The following BCL2L13 variants were observed in gnomAD, a reference collection of about 807,000 sequenced individuals.
BCL2L13 encodes the protein BCL2 like 13.
A neutral mutation model predicts 25.8 loss-of-function variants in BCL2L13; 13 were observed. That is an observed-to-expected ratio of 0.50 (90% CI 0.33 to 0.80). The LOEUF (loss-of-function observed/expected upper bound fraction) is 0.80, where lower values mean the gene tolerates loss of function less well. BCL2L13 is among the 30% of genes least tolerant of loss of function. The probability of loss-of-function intolerance (pLI) is 0.02; values close to 1 mark genes in which losing one functional copy is unlikely to be tolerated. For synonymous variants in BCL2L13, 244 were observed against 230.3 expected (o/e 1.06, Z -0.54); for missense variants, 504 against 574.9 (o/e 0.88, Z 1.26).
chr22:17,672,112 A>G (rs2535691), intron 2 of BCL2L13, among the ~76,000 whole-genome samples: 21,262 of 152,220 alleles, frequency 0.14, 2,037 homozygotes, highest in Non-Finnish European at 0.21. Context: ...TATATGTTCA[A>G]TGGACCTTTT....
chr22:17,649,703 A>G (rs2058612215), intron 1 of BCL2L13, among the ~76,000 whole-genome samples: 1 of 150,930 alleles, frequency 6.6e-6, no homozygotes. Context: ...GGGTTTCACC[A>G]TGTTGGCCAG....
chr22:17,655,824 C>T lies in BCL2L13; in HGVS notation c.113C>T (p.Ser38Leu), dbSNP rs747751039. Reference sequence around the variant, plus strand: ...AAGCTGCAAGAGCAACATCTTTCCTCACCCCAAGGTATTATCTTTGGCTTA... The same window carrying T: ...AAGCTGCAAGAGCAACATCTTTCCTTACCCCAAGGTATTATCTTTGGCTTA... The part of the protein sequence containing the change: ...QEKLQEQHLS[S>L]PQGVQLDIAS... The change falls in exon 2 of 7, where the codon TCA becomes TTA. Residue 38 changes from serine to leucine, a missense_variant. Coordinates refer to ENST00000317582, the MANE Select transcript of BCL2L13 (RefSeq NM_015367.4). 6.2e-6 allele frequency: 10 copies of T among 1,613,134 alleles called. No individual in the cohort carries two copies. In the South Asian group the frequency reaches 8.8e-5, roughly 14 times the overall value.
intron 6 of BCL2L13, among the ~76,000 whole-genome samples, chr22:17,725,686 T>A (rs2061276018): frequency 6.6e-6 from 1 of 152,178 alleles, no homozygotes; most frequent in African/African-American, 2.4e-5. Context: ...CTGTTTTGCA[T>A]TAATTACTGC....
intron 3 of BCL2L13, chr22:17,684,574 G>A (rs1247112241): frequency 2.2e-6 from 1 of 453,762 alleles, no homozygotes; most frequent in African/African-American, 2.0e-5. Flanking sequence ...GGTGGTGGTG[G>A]TGTTTTGAGA....
chr22:17,676,103 C>T (rs1225769722), intron 2 of BCL2L13, among the ~76,000 whole-genome samples: 5 of 152,148 alleles, frequency 3.3e-5, no homozygotes, highest in African/African-American at 1.2e-4. Flanking sequence ...AGTGGGAGCA[C>T]CTGTCGATTG....
intron 3 of BCL2L13, among the ~76,000 whole-genome samples, chr22:17,686,201 C>T (rs2059933206): frequency 6.6e-6 from 1 of 151,916 alleles, no homozygotes; most frequent in African/African-American, 2.4e-5. Flanking sequence ...GTAGTCCCAG[C>T]ACTTTGGGAG....
chr22:17,664,985 A>T (rs2059192151), intron 2 of BCL2L13, among the ~76,000 whole-genome samples: 1 of 152,192 alleles, frequency 6.6e-6, no homozygotes, highest in South Asian at 2.1e-4. Flanking sequence ...CATTTTCTCC[A>T]TTGTTTTGGC....
chr22:17,692,581 A>G (rs1350606699), intron 4 of BCL2L13, among the ~76,000 whole-genome samples: 1 of 152,222 alleles, frequency 6.6e-6, no homozygotes, highest in African/African-American at 2.4e-5. Flanking sequence ...GGCTCACTTT[A>G]ATGGGAAGGT....
exon 1 of BCL2L13, chr22:17,628,993 G>A: frequency 2.8e-6 from 1 of 363,342 alleles, no homozygotes; most frequent in East Asian, 5.8e-5. Context: ...CTGTTTTGAG[G>A]AGTACTGGTT....
intron 2 of BCL2L13, among the ~76,000 whole-genome samples, chr22:17,656,451 A>G (rs1033000355): frequency 1.5e-5 from 2 of 134,224 alleles, no homozygotes; most frequent in Non-Finnish European, 3.1e-5. Context: ...TCCCGGTTCA[A>G]GCGATTCTGC....
chr22:17,720,668 ATT>A (rs752609758), intron 6 of BCL2L13, among the ~76,000 whole-genome samples: 37 of 138,194 alleles, frequency 2.7e-4, no homozygotes, highest in Admixed American at 2.2e-4. Context: ...CCCGGCCTTA[ATT>A]TTTTTTTTTT....
intron 1 of BCL2L13, among the ~76,000 whole-genome samples, chr22:17,631,170 C>A (rs1340290460): frequency 3.3e-5 from 5 of 151,176 alleles, no homozygotes; most frequent in Non-Finnish European, 7.4e-5. Context: ...AAACTCGGCT[C>A]ACTGCAACCT....
intron 1 of BCL2L13, among the ~76,000 whole-genome samples, chr22:17,649,973 C>T (rs1312644403): frequency 1.4e-5 from 2 of 140,648 alleles, no homozygotes; most frequent in Non-Finnish European, 3.1e-5. Flanking sequence ...CTGCTCTGAG[C>T]GATTCTCCTG....
chr22:17,701,839 G>A (rs934258236), intron 5 of BCL2L13, among the ~76,000 whole-genome samples: 10 of 149,646 alleles, frequency 6.7e-5, no homozygotes, highest in African/African-American at 2.2e-4. Flanking sequence ...GCAGAGAATC[G>A]CTTGAACCTG....
Position 17,694,067 on chromosome 22 carries a change from T to TTA in BCL2L13, c.387-2073_387-2072dup, listed in dbSNP as rs764008944. The stretch of plus-strand genomic sequence containing the variant: ...GCCACTGCACCCAGCCCATTCTTTC[T>TTA]TAACATGTTTGTTAATACTTTGCCC... On this transcript the variant is annotated intron_variant, in intron 4 of 6. Transcript: ENST00000317582. Among the ~76,000 whole-genome samples, 106 of 152,284 alleles carry TTA rather than the reference T, an allele frequency of 7.0e-4. 1 individual carries two copies. The highest frequency in any genetic ancestry group is 1.3e-3 in the Non-Finnish European group (86 of 68,028).
chr22:17,638,735 G>A (rs1206238915), upstream of BCL2L13: 12 of 1,231,590 alleles, frequency 9.7e-6, no homozygotes, highest in East Asian at 1.3e-4. Flanking sequence ...CGGCCGTGAC[G>A]AAGGCACGCC....
At position 17,728,058 on chromosome 22, in the gene BCL2L13, TAGCTC is replaced by T; in HGVS notation, c.*525_*529del. ...GTGGGCTCCTCAGCTACTGACTTCTTAGCTCTTAATCCCCTTAGAATTTCATCTTT... is the reference window on the plus strand; with the variant it reads ...GTGGGCTCCTCAGCTACTGACTTCTTTTAATCCCCTTAGAATTTCATCTTT... On this transcript the variant is annotated 3_prime_UTR_variant, in exon 7 of 7. Transcript: ENST00000317582. The T allele has an allele frequency of 6.2e-6, 1 of 161,624 alleles. No individual in the cohort carries two copies. Among genetic ancestry groups the T allele is most frequent in the Admixed American group, 5.7e-5 (1 of 17,592 alleles). The allele number at this position is 161,624 out of a possible 1,614,324, so 10.0% of individuals were successfully genotyped here. A position where few individuals can be genotyped will look rare whatever the true frequency, so the allele number is the denominator to read the frequency against.
chr22:17,639,273 C>T (rs867620914), intron 1 of BCL2L13, among the ~76,000 whole-genome samples: 1 of 152,222 alleles, frequency 6.6e-6, no homozygotes, highest in South Asian at 2.1e-4. Context: ...AAAGGTTTTC[C>T]TGCGATTCAC....
chr22:17,680,460 G>T (rs1393527201), intron 2 of BCL2L13, among the ~76,000 whole-genome samples: 2 of 130,414 alleles, frequency 1.5e-5, no homozygotes, highest in Non-Finnish European at 3.1e-5. Flanking sequence ...AGTGAGCCGA[G>T]ATCAAGCCAC....
Sources: gnomAD v4.1 joint callset for allele counts (sites outside exome capture counted in the v4.1 genomes callset) on GRCh38, gnomAD v4.1.1 for gene constraint, MANE v1.5 for transcripts, NCBI Gene and HGNC (gene_info 2026-07-23, HGNC 2026-07-21) for gene names.